Variants in KLF15 observed in about 807,000 individuals in gnomAD.
The protein encoded by KLF15 is KLF transcription factor 15.
Under a neutral mutation model 24.6 loss-of-function variants are expected in KLF15, and 4 were observed. The ratio of observed to expected loss-of-function variants is 0.16; its 90% CI spans 0.08 to 0.37. KLF15 has a LOEUF of 0.37. KLF15 is among the 10% of genes least tolerant of loss of function. The pLI is 1.00. For missense variants in KLF15, 496 were observed against 560.6 expected, an observed-to-expected ratio of 0.88 and a Z score of 1.16; for synonymous variants, 246 against 236.3, an observed-to-expected ratio of 1.04 and a Z score of -0.37.
the KLF15 span, among the ~76,000 whole-genome samples, chr3:126,317,200 C>T: frequency 6.6e-6 from 1 of 152,146 alleles, no homozygotes; most frequent in Admixed American, 6.5e-5. Context: ...ACTTCTATGC[C>T]TTGTGGTGTT....
chr3:126,319,692 C>A, the KLF15 span, among the ~76,000 whole-genome samples: 1 of 152,064 alleles, frequency 6.6e-6, no homozygotes, highest in Non-Finnish European at 1.5e-5. Context: ...ACAATTAAAC[C>A]CTCACCTTTA....
chr3:126,341,107 G>A (rs528044504), downstream of KLF15, among the ~76,000 whole-genome samples: 31 of 152,190 alleles, frequency 2.0e-4, no homozygotes, highest in Non-Finnish European at 3.4e-4. Flanking sequence ...CCTGTTCCCT[G>A]CACTGTGCTG....
chr3:126,306,400 CT>C, the KLF15 span, among the ~76,000 whole-genome samples: 73 of 152,306 alleles, frequency 4.8e-4, no homozygotes, highest in African/African-American at 1.7e-3. Context: ...TTCCCCACCC[CT>C]AAGATTATTT....
chr3:126,346,398 A>G (rs2082536092), intron 2 of KLF15, among the ~76,000 whole-genome samples: 1 of 152,190 alleles, frequency 6.6e-6, no homozygotes, highest in African/African-American at 2.4e-5. Context: ...CACACAGCCC[A>G]GGGGACAGAG....
chr3:126,334,109 C>G, the KLF15 span, among the ~76,000 whole-genome samples: 1 of 152,106 alleles, frequency 6.6e-6, no homozygotes, highest in Middle Eastern at 3.4e-3. Context: ...CCCAAATCAA[C>G]ACAATATACA....
chr3:126,352,946 G>A lies in KLF15; in HGVS notation c.-24C>T, dbSNP rs574970685. The A allele has an allele frequency of 8.3e-5, 130 of 1,574,084 alleles. No homozygotes were observed. Among genetic ancestry groups the A allele is most frequent in the Non-Finnish European group, 1.1e-4 (123 of 1,158,732 alleles). ...ATGCTGGCCTGGCCGTGCCGGTGGC[G>A]GCTGCAGGAAAGGAACACAGGAGGC... is the stretch of plus-strand genomic sequence containing the variant. On this transcript the variant is annotated splice_region_variant and 5_prime_UTR_variant, in exon 2 of 3. Transcript: ENST00000296233.
Position 126,352,203 on chromosome 3 carries a change from C to T in KLF15, c.720G>A (p.Gly240=), listed in dbSNP as rs776617217. Residue 240 remains glycine, a synonymous_variant, in exon 2 of 3, where the codon GGG becomes GGA. Coordinates refer to ENST00000296233, the MANE Select transcript of KLF15 (RefSeq NM_014079.4). ...QESGTGPASP[G]QAPENVKVAQ... ...CAACCTTGACATTCTCTGGGGCTTGCCCAGGGGAGGCAGGCCCTGTGCCCG... is the reference window on the plus strand; with the variant it reads ...CAACCTTGACATTCTCTGGGGCTTGTCCAGGGGAGGCAGGCCCTGTGCCCG... 58 of 1,551,886 alleles carry T rather than the reference C, an allele frequency of 3.7e-5. No individual in the cohort carries two copies. Among genetic ancestry groups the T allele is most frequent in the Non-Finnish European group, 5.0e-5 (58 of 1,151,666 alleles).
At chr3:126,314,772 T>C in the KLF15 span, among the ~76,000 whole-genome samples, 1 of 152,238 alleles carries the variant, frequency 6.6e-6, no homozygotes, top group Non-Finnish European at 1.5e-5. Context: ...AGTAATCCCC[T>C]CTGTCTGTCT....
At chr3:126,303,433 A>G in the KLF15 span, among the ~76,000 whole-genome samples, 1 of 151,090 alleles carries the variant, frequency 6.6e-6, no homozygotes, top group Admixed American at 6.6e-5. Context: ...CCCATCCTCC[A>G]CTCCTTCAGC....
the KLF15 span, among the ~76,000 whole-genome samples, chr3:126,291,635 C>G: frequency 2.6e-5 from 4 of 152,378 alleles, no homozygotes; most frequent in African/African-American, 9.6e-5. Flanking sequence ...CAGGTGGCTG[C>G]GTCCCGGCCT....
chr3:126,352,882 G>T lies in KLF15; in HGVS notation c.41C>A (p.Ser14Ter). ...CAGATACCCAACTGGGCATTTTGGC[G>T]ACGAGAAGTTCTCGTCCACTGGAAG... is the stretch of plus-strand genomic sequence containing the variant. ...HLLPVDENFS[S>*]PKCPVGYLGD... Residue 14 changes from serine (S) to a stop codon, truncating the protein, a stop_gained, in exon 2 of 3, where the codon TCG becomes TAG. Transcript: ENST00000296233. LOFTEE classifies it high-confidence loss of function. The T allele has an allele frequency of 6.2e-7, 1 of 1,611,694 alleles. No homozygotes were observed. The highest frequency in any genetic ancestry group is 8.5e-7 in the Non-Finnish European group (1 of 1,179,202).
intron 2 of KLF15, among the ~76,000 whole-genome samples, chr3:126,344,387 G>A (rs2082514518): frequency 6.6e-6 from 1 of 152,200 alleles, no homozygotes; most frequent in Non-Finnish European, 1.5e-5. Flanking sequence ...AAGATGGAAA[G>A]AACTACAGTA....
At chr3:126,353,319 C>T (rs1477511731) in intron 1 of KLF15, among the ~76,000 whole-genome samples, 2 of 152,174 alleles carry the variant, frequency 1.3e-5, no homozygotes, top group African/African-American at 4.8e-5. Context: ...AATCAGCCCA[C>T]CGTCAACATC....
At chr3:126,326,527 G>C in the KLF15 span, among the ~76,000 whole-genome samples, 1 of 152,228 alleles carries the variant, frequency 6.6e-6, no homozygotes, top group Admixed American at 6.5e-5. Context: ...TGAATATGAT[G>C]ATACAGGTTG....
At chr3:126,346,091 G>GGT (rs1436285299) in intron 2 of KLF15, among the ~76,000 whole-genome samples, 15 of 152,226 alleles carry the variant, frequency 9.9e-5, no homozygotes, top group Non-Finnish European at 1.5e-5. Context: ...GGCCTGGATG[G>GGT]GTGTGTGTGT....
rs78382785 is a variant in KLF15, at chr3:126,343,505, C to G, written c.*222G>C. The G allele has an allele frequency of 6.1e-3, 3,127 of 513,912 alleles. 84 individuals are homozygous for G. Among genetic ancestry groups the G allele is most frequent in the African/African-American group, 0.058 (2,846 of 49,048 alleles). The allele number at this position is 513,912 out of a possible 1,614,324, so 31.8% of individuals were successfully genotyped here. On this transcript the variant is annotated 3_prime_UTR_variant, in exon 3 of 3. Coordinates refer to ENST00000296233, the MANE Select transcript of KLF15 (RefSeq NM_014079.4). ...AGGCACGAAGGCCTGCCTCCAGCCC[C>G]GTGCGCCTGGGGCCCAGCCCCCAGG...
chr3:126,353,346 A>T (rs1325392971), intron 1 of KLF15, among the ~76,000 whole-genome samples: 1 of 152,152 alleles, frequency 6.6e-6, no homozygotes, highest in Non-Finnish European at 1.5e-5. Context: ...GTCACTGTAC[A>T]TCTGAGGACT....
At chr3:126,331,075 G>A in the KLF15 span, among the ~76,000 whole-genome samples, 1 of 152,184 alleles carries the variant, frequency 6.6e-6, no homozygotes, top group Admixed American at 6.5e-5. Context: ...CAGCACAGAG[G>A]CAGGGTAGTG....
chr3:126,296,353 G>A, the KLF15 span, among the ~76,000 whole-genome samples: 31 of 152,074 alleles, frequency 2.0e-4, no homozygotes, highest in South Asian at 1.5e-3. Flanking sequence ...GACTACAGGC[G>A]CCCACCACCA....
Sources: gnomAD v4.1 joint callset for allele counts (sites outside exome capture counted in the v4.1 genomes callset) on GRCh38, gnomAD v4.1.1 for gene constraint, MANE v1.5 for transcripts, NCBI Gene and HGNC (gene_info 2026-07-23, HGNC 2026-07-21) for gene names.